Variants in PCYT2 observed in about 807,000 individuals in gnomAD.
PCYT2 encodes phosphate cytidylyltransferase 2, ethanolamine, also known as ethanolamine-phosphate cytidylyltransferase.
Under a neutral mutation model 50.0 loss-of-function variants are expected in PCYT2, and 33 were observed. That is an observed-to-expected ratio of 0.66 (90% CI 0.50 to 0.88). The LOEUF (loss-of-function observed/expected upper bound fraction) is 0.88. PCYT2 is among the 40% of genes least tolerant of loss of function. The pLI is 0.00. For synonymous variants in PCYT2, 240 were observed against 203.7 expected, an observed-to-expected ratio of 1.18 and a Z score of -1.52; for missense variants, 430 against 519.7, an observed-to-expected ratio of 0.83 and a Z score of 1.68.
At position 81,911,183 on chromosome 17, in the gene PCYT2, C is replaced by G. The variant is rs528708638; in HGVS notation, c.89+84G>C. 8,548 of 1,014,654 alleles carry G rather than the reference C, an allele frequency of 8.4e-3. 62 individuals carry two copies. Among genetic ancestry groups the G allele is most frequent in the Admixed American group, 8.7e-3 (150 of 17,200 alleles). 62.9% of individuals were successfully genotyped at this position (1,014,654 alleles called of 1,614,324 possible). A position where few individuals can be genotyped will look rare whatever the true frequency, so the allele number is the denominator to read the frequency against. ...GAGGACGCCACCCAGAACGCGGGCC[C>G]GGTCCCCGGGCAACGGCTGGCGCGG... On this transcript the variant is annotated intron_variant, in intron 1 of 12. Transcript: ENST00000538936.
chr17:81,906,366 G>T (rs1216561738), intron 8 of PCYT2, 98 bp downstream of exon 8: 1 of 1,333,618 alleles, frequency 7.5e-7, no homozygotes, highest in Non-Finnish European at 1.1e-6. Context: ...TTCACCTGGG[G>T]CCCCTTCCCA....
chr17:81,909,665 GT>G, intron 1 of PCYT2, 63 bp from the exon 2 acceptor site: 2 of 1,280,862 alleles, frequency 1.6e-6, no homozygotes, highest in Non-Finnish European at 2.3e-6. Context: ...GTCCCTGTGG[GT>G]TAGGGGCAGA....
In PCYT2 at chr17:81,909,612, C is replaced by A. The variant is rs1567897785; in HGVS notation, c.90-10G>T. 2 of 1,610,240 alleles carry A rather than the reference C, an allele frequency of 1.2e-6. No homozygotes were observed. The stretch of plus-strand genomic sequence containing the variant: ...ATGCACCATGTCATAGCTGTGGAGA[C>A]AGAGAGAGTGGGTGGTCCCTGTGCC... On this transcript the variant is annotated splice_polypyrimidine_tract_variant and intron_variant, in intron 1 of 12. Transcript: ENST00000538936.
rs1220233945 is a variant in PCYT2, at chr17:81,907,215, C to G, written c.538-317G>C. The stretch of plus-strand genomic sequence containing the variant: ...CACTGTCTGGTCACCTGGGAGCAGC[C>G]TTCTGAGGAAAGTATGTCCCCGGCG... On this transcript the variant is annotated intron_variant, in intron 6 of 12. Transcript: ENST00000538936. 3.3e-6 allele frequency: 5 copies of G among 1,533,946 alleles called. No individual in the cohort carries two copies. The highest frequency in any genetic ancestry group is 4.4e-6 in the Non-Finnish European group (5 of 1,145,812).
In PCYT2 at chr17:81,910,958, G is replaced by T. The variant is rs952165274; in HGVS notation, c.89+309C>A. Reference sequence around the variant, plus strand: ...CCCCTGGACCGGAGCCGGGCAAGCTGGTTGCTGGTGGTTACGGAGAAGCAG... The same window carrying T: ...CCCCTGGACCGGAGCCGGGCAAGCTTGTTGCTGGTGGTTACGGAGAAGCAG... On this transcript the variant is annotated intron_variant, in intron 1 of 12. Coordinates refer to ENST00000538936, the MANE Select transcript of PCYT2 (RefSeq NM_002861.5). 5 of 989,922 alleles carry T rather than the reference G, an allele frequency of 5.1e-6. No individual in the cohort carries two copies. In the Admixed American group the frequency reaches 1.8e-4, roughly 36 times the overall value. 61.3% of individuals were successfully genotyped at this position (989,922 alleles called of 1,614,324 possible).
chr17:81,906,072 C>G, intron 9 of PCYT2, 28 bp downstream of exon 9: 1 of 1,590,442 alleles, frequency 6.3e-7, no homozygotes, highest in East Asian at 2.2e-5. Context: ...TCTCCCCATC[C>G]TTGGGCTGGC....
intron 6 of PCYT2, 35 bp downstream of exon 6, chr17:81,907,519 T>C (rs371049023): frequency 1.5e-4 from 238 of 1,589,808 alleles, no homozygotes; most frequent in Non-Finnish European, 1.8e-4. Flanking sequence ...CCCCTGCAGC[T>C]GCGTGCTCAG....
At position 81,904,566 on chromosome 17, in the gene PCYT2, G is replaced by T. The variant is rs921979962; in HGVS notation, c.*267C>A. On this transcript the variant is annotated 3_prime_UTR_variant, in exon 13 of 13. Coordinates refer to ENST00000538936, the MANE Select transcript of PCYT2 (RefSeq NM_002861.5). ...GGACCAGGTGGGGGCGCACGCAGGA[G>T]CGGTGCGTTTCAGGCTGCAGGTGCC... 2 of 462,508 alleles carry T rather than the reference G, an allele frequency of 4.3e-6. No homozygotes were observed. Among genetic ancestry groups the T allele is most frequent in the Non-Finnish European group, 7.7e-6 (2 of 258,472 alleles). The allele number at this position is 462,508 out of a possible 1,614,324, so 28.7% of individuals were successfully genotyped here.
At position 81,911,299 on chromosome 17, in the gene PCYT2, G is replaced by A; in HGVS notation, c.57C>T (p.Gly19=). Residue 19 remains glycine, a synonymous_variant, in exon 1 of 13, where the codon GGC becomes GGT. Transcript: ENST00000538936. ...AGGAEQPGPG[G]RRAVRVWCDG... ...CGCACCACACCCTCACGGCGCGCCT[G>A]CCCCCCGGGCCCGGCTGCTCTGCGC... 8.8e-7 allele frequency: 1 copy of A among 1,135,148 alleles called. No homozygotes were observed. Among genetic ancestry groups the A allele is most frequent in the Non-Finnish European group, 1.1e-6 (1 of 913,406 alleles). 70.3% of individuals were successfully genotyped at this position (1,135,148 alleles called of 1,614,324 possible). A position where few individuals can be genotyped will look rare whatever the true frequency, so the allele number is the denominator to read the frequency against.
chr17:81,910,249 C>A (rs1428397245), intron 1 of PCYT2, among the ~76,000 whole-genome samples: 1 of 152,236 alleles, frequency 6.6e-6, no homozygotes, highest in Non-Finnish European at 1.5e-5. Flanking sequence ...CACAGCCCTG[C>A]CACCAACTGG....
chr17:81,902,999 G>A lies in PCYT2; in HGVS notation c.*1834C>T. The A allele has an allele frequency of 2.0e-6, 1 of 499,170 alleles. No individual in the cohort carries two copies. Among genetic ancestry groups the A allele is most frequent in the Non-Finnish European group, 3.5e-6 (1 of 286,320 alleles). 30.9% of individuals were successfully genotyped at this position (499,170 alleles called of 1,614,324 possible). On this transcript the variant is annotated 3_prime_UTR_variant, in exon 13 of 13. Transcript: ENST00000538936. Reference sequence around the variant, plus strand: ...GTATGAGAAGGCAGCCGAGTGTGCGGCGGCAGGGCAAGGTTGGCCTGGGCC... The same window carrying A: ...GTATGAGAAGGCAGCCGAGTGTGCGACGGCAGGGCAAGGTTGGCCTGGGCC...
chr17:81,902,237 C>T lies in PCYT2; in HGVS notation c.*2596G>A. 8.2e-7 allele frequency: 1 copy of T among 1,226,180 alleles called. No individual in the cohort carries two copies. Among genetic ancestry groups the T allele is most frequent in the East Asian group, 3.4e-5 (1 of 29,738 alleles). The allele number at this position is 1,226,180 out of a possible 1,614,324, so 76.0% of individuals were successfully genotyped here. On this transcript the variant is annotated 3_prime_UTR_variant, in exon 13 of 13. Coordinates refer to ENST00000538936, the MANE Select transcript of PCYT2 (RefSeq NM_002861.5). The stretch of plus-strand genomic sequence containing the variant: ...AAGGCGGCCCAGGCGGTGGCTGCTC[C>T]GAGCCCGGACGCCGCCGCCCACCAG...
Position 81,909,008 on chromosome 17 carries a change from C to T in PCYT2, c.208G>A (p.Val70Met). Residue 70 changes from valine (V) to methionine (M), a missense_variant, in exon 3 of 13, where the codon GTG (valine) becomes ATG (methionine). Transcript: ENST00000538936. ...TTGTATCTCTCCTCCTGAGTGAACA[C>T]CGGGGGCCCCTTGTGCTTGGCGATC... ...EEIAKHKGPP[V>M]FTQEERYKMV... 1 of 1,613,902 alleles carries T rather than the reference C, an allele frequency of 6.2e-7. No homozygotes were observed. The highest frequency in any genetic ancestry group is 8.5e-7 in the Non-Finnish European group (1 of 1,179,970).
chr17:81,905,011 A>G (rs2040170445), intron 12 of PCYT2, 55 bp downstream of exon 12: 3 of 1,587,130 alleles, frequency 1.9e-6, no homozygotes, highest in Non-Finnish European at 2.6e-6. Context: ...GGGCACGGTA[A>G]GTCTAGCGGA....
Position 81,907,618 on chromosome 17 carries a change from AG to A in PCYT2, c.493-21del. 1 of 1,610,718 alleles carries A rather than the reference AG, an allele frequency of 6.2e-7. No homozygotes were observed. Among genetic ancestry groups the A allele is most frequent in the Non-Finnish European group, 8.5e-7 (1 of 1,178,934 alleles). On this transcript the variant is annotated intron_variant, in intron 5 of 12. Coordinates refer to ENST00000538936, the MANE Select transcript of PCYT2 (RefSeq NM_002861.5). Reference sequence around the variant, plus strand: ...CATCTCCTGCACAGAAGGTCAGAGCAGGGCTGAGGGGCCTGCCCTCCCGGCG... The same window carrying A: ...CATCTCCTGCACAGAAGGTCAGAGCAGGCTGAGGGGCCTGCCCTCCCGGCG...
rs2040106038 is a variant in PCYT2, at chr17:81,904,109, TTCAC to T, written c.*720_*723del. Reference sequence around the variant, plus strand: ...GCTTTGGAGGGCTGGAGGCCTGGGTTTCACTCACTGCCAGGCTGCCCGCTGCACT... The same window carrying T: ...GCTTTGGAGGGCTGGAGGCCTGGGTTTCACTGCCAGGCTGCCCGCTGCACT... On this transcript the variant is annotated 3_prime_UTR_variant, in exon 13 of 13. Coordinates refer to ENST00000538936, the MANE Select transcript of PCYT2 (RefSeq NM_002861.5). 6.6e-6 allele frequency: 1 copy of T among 152,310 alleles called. No homozygotes were observed. The highest frequency in any genetic ancestry group is 6.5e-5 in the Admixed American group (1 of 15,278). 9.4% of individuals were successfully genotyped at this position (152,310 alleles called of 1,614,324 possible). A position where few individuals can be genotyped will look rare whatever the true frequency, so the allele number is the denominator to read the frequency against.
rs1210159481 is a variant in PCYT2, at chr17:81,902,114, G to A, written c.*2719C>T. Reference sequence around the variant, plus strand: ...GCGCGGCTGGTTCCTTTGGGATGCGGAGGTGCGACGGCTCCTCCGCGCGCG... The same window carrying A: ...GCGCGGCTGGTTCCTTTGGGATGCGAAGGTGCGACGGCTCCTCCGCGCGCG... On this transcript the variant is annotated 3_prime_UTR_variant, in exon 13 of 13. Coordinates refer to ENST00000538936, the MANE Select transcript of PCYT2 (RefSeq NM_002861.5). 6 of 514,220 alleles carry A rather than the reference G, an allele frequency of 1.2e-5. No individual in the cohort carries two copies. Among genetic ancestry groups the A allele is most frequent in the Admixed American group, 9.9e-5 (2 of 20,274 alleles). 31.9% of individuals were successfully genotyped at this position (514,220 alleles called of 1,614,324 possible). A position where few individuals can be genotyped will look rare whatever the true frequency, so the allele number is the denominator to read the frequency against.
At chr17:81,910,859 T>C in intron 1 of PCYT2, 1 of 985,820 alleles carries the variant, frequency 1.0e-6, no homozygotes, top group Non-Finnish European at 1.2e-6. Flanking sequence ...CCCGCGGGCT[T>C]CACCGCGGGT....
chr17:81,907,971 C>T, intron 4 of PCYT2, 114 bp from the exon 5 acceptor site: 1 of 843,946 alleles, frequency 1.2e-6, no homozygotes, highest in East Asian at 2.6e-5. Context: ...CACGGCTGCC[C>T]CAAAGACTGA....
Sources: gnomAD v4.1 joint callset for allele counts (sites outside exome capture counted in the v4.1 genomes callset) on GRCh38, gnomAD v4.1.1 for gene constraint, MANE v1.5 for transcripts, NCBI Gene and HGNC (gene_info 2026-07-23, HGNC 2026-07-21) for gene names.